Variants in UQCC1 observed in about 807,000 individuals in gnomAD.
The protein encoded by UQCC1 is bFGF-repressed Zic-binding protein.
UQCC1 carries 38 observed loss-of-function variants against 48.0 expected under a neutral mutation model. That is an observed-to-expected ratio of 0.79 (90% CI 0.61 to 1.04). The LOEUF (loss-of-function observed/expected upper bound fraction) is 1.04, where lower values mean the gene tolerates loss of function less well. Ranked by LOEUF, UQCC1 falls within the 50% of genes least tolerant of loss-of-function variation. The pLI is 0.00. For missense variants in UQCC1, 368 were observed against 381.8 expected (o/e 0.96, Z 0.30); for synonymous variants, 111 against 129.2 (o/e 0.86, Z 0.95).
chr20:35,326,763 G>A (rs1450367777), intron 7 of UQCC1, among the ~76,000 whole-genome samples: 1 of 152,164 alleles, frequency 6.6e-6, no homozygotes, highest in Non-Finnish European at 1.5e-5. Flanking sequence ...AAAAGCTGCA[G>A]GCACTACTTG....
intron 7 of UQCC1, among the ~76,000 whole-genome samples, chr20:35,335,813 T>C (rs2061309725): frequency 6.6e-6 from 1 of 152,266 alleles, no homozygotes; most frequent in Non-Finnish European, 1.5e-5. Flanking sequence ...ATTATATCTC[T>C]ATTTTTAAAA....
intron 6 of UQCC1, among the ~76,000 whole-genome samples, chr20:35,347,562 C>T (rs997562444): frequency 6.6e-6 from 1 of 152,010 alleles, no homozygotes. Context: ...CTCCCTCATA[C>T]CTGGAGGGAA....
intron 4 of UQCC1, among the ~76,000 whole-genome samples, chr20:35,375,945 C>A (rs1218795766): frequency 3.1e-5 from 2 of 64,014 alleles, no homozygotes; most frequent in Non-Finnish European, 5.3e-5. Flanking sequence ...CTGGACCTTG[C>A]CTAAAAAAAA....
intron 7 of UQCC1, among the ~76,000 whole-genome samples, chr20:35,329,195 T>G (rs1271073870): frequency 6.6e-6 from 1 of 152,080 alleles, no homozygotes; most frequent in Non-Finnish European, 1.5e-5. Context: ...TCCGGGAGTT[T>G]AGGATGATTA....
chr20:35,307,253 A>C (rs1264970573), intron 8 of UQCC1, among the ~76,000 whole-genome samples: 4 of 152,208 alleles, frequency 2.6e-5, no homozygotes, highest in African/African-American at 4.8e-5. Context: ...TCCAAGGACC[A>C]AGGCAAGGCA....
intron 6 of UQCC1, among the ~76,000 whole-genome samples, chr20:35,355,095 G>A (rs1177057645): frequency 3.9e-5 from 6 of 152,106 alleles, no homozygotes; most frequent in African/African-American, 1.4e-4. Context: ...AAGGAAACAG[G>A]AGGACCCAGA....
chr20:35,333,050 A>G (rs1019691598), intron 7 of UQCC1, among the ~76,000 whole-genome samples: 10 of 151,814 alleles, frequency 6.6e-5, no homozygotes, highest in African/African-American at 9.7e-5. Context: ...TATTCTACCT[A>G]TTTCCAAAAA....
chr20:35,394,115 T>A lies in UQCC1; in HGVS notation c.106A>T (p.Arg36Trp). The A allele has an allele frequency of 6.2e-7, 1 of 1,614,070 alleles. No homozygotes were observed. The highest frequency in any genetic ancestry group is 1.7e-5 in the Admixed American group (1 of 60,018). ...PVSPTQGQGD[R>W]ALSRTSQWPQ... is the part of the protein sequence containing the mutation. ...ACCTGGGAAGTGCGAGACAGAGCCC[T>A]GTCCCCCTGTCCTTGGGTAGGAGAC... The change falls in exon 2 of 10, where the codon AGG becomes TGG. Residue 36 changes from arginine (R) to tryptophan (W), a missense_variant. By Grantham distance (101) the Arg-to-Trp change is moderately radical. Coordinates refer to ENST00000374385, the MANE Select transcript of UQCC1 (RefSeq NM_018244.5).
intron 9 of UQCC1, among the ~76,000 whole-genome samples, chr20:35,304,857 T>A (rs935995608): frequency 7.2e-5 from 11 of 152,292 alleles, no homozygotes; most frequent in African/African-American, 2.6e-4. Flanking sequence ...ACGCTTGAAC[T>A]CAACCCCAGC....
intron 8 of UQCC1, among the ~76,000 whole-genome samples, chr20:35,311,583 G>A (rs943854437): frequency 1.3e-4 from 20 of 152,180 alleles, no homozygotes; most frequent in African/African-American, 4.3e-4. Context: ...CCCCCATCAC[G>A]TGCAGCTGTT....
intron 6 of UQCC1, among the ~76,000 whole-genome samples, chr20:35,365,662 A>AC (rs1227837756): frequency 1.3e-5 from 2 of 151,848 alleles, no homozygotes; most frequent in African/African-American, 4.8e-5. Flanking sequence ...GTCTAAAAAA[A>AC]AAAAAAAAAA....
chr20:35,398,746 C>T (rs1886692), intron 1 of UQCC1, among the ~76,000 whole-genome samples: 74,076 of 105,994 alleles, frequency 0.7, 22,690 homozygotes, highest in East Asian at 0.79. Flanking sequence ...AGATTCAGGG[C>T]CAAAGGTGGG....
intron 4 of UQCC1, among the ~76,000 whole-genome samples, chr20:35,380,200 A>T (rs569939316): frequency 6.6e-6 from 1 of 152,304 alleles, no homozygotes; most frequent in East Asian, 1.9e-4. Flanking sequence ...TAAGCATAAC[A>T]TTTTTTTAAT....
At chr20:35,404,369 C>CAA (rs74173950) in intron 1 of UQCC1, among the ~76,000 whole-genome samples, 2 of 124,028 alleles carry the variant, frequency 1.6e-5, no homozygotes, top group African/African-American at 3.1e-5. Context: ...GACTCCGTCT[C>CAA]AAAAAAAAAA....
intron 8 of UQCC1, chr20:35,309,265 C>T: frequency 2.3e-6 from 1 of 430,778 alleles, no homozygotes; most frequent in Non-Finnish European, 4.7e-6. Context: ...AAACTGTTTC[C>T]ACAAAAAAAT....
intron 5 of UQCC1, among the ~76,000 whole-genome samples, chr20:35,369,589 A>C (rs763179499): frequency 6.6e-6 from 1 of 152,006 alleles, no homozygotes; most frequent in Non-Finnish European, 1.5e-5. Flanking sequence ...CAATTCTTTG[A>C]CTCTACCTCT....
rs546720630 is a variant in UQCC1 at position 35,325,225 on chromosome 20, G to A, written c.574-10460C>T. On this transcript the variant is annotated intron_variant, in intron 7 of 9. Coordinates refer to ENST00000374385, the MANE Select transcript of UQCC1 (RefSeq NM_018244.5). ...AAAATTATTATTTAATGGGCACAGA[G>A]TTTTTGTTGGGGATAATGAAAATGT... Among the ~76,000 whole-genome samples, 3 of 152,334 alleles carry A rather than the reference G, an allele frequency of 2.0e-5. No individual in the cohort carries two copies. The East Asian group carries it at 5.8e-4, about 29-fold the overall frequency.
At chr20:35,366,362 G>A (rs2061666289) in intron 6 of UQCC1, among the ~76,000 whole-genome samples, 195 bp downstream of exon 6, 1 of 152,162 alleles carries the variant, frequency 6.6e-6, no homozygotes, top group South Asian at 2.1e-4. Context: ...ACAAATATTA[G>A]TTTCCTTCTG....
chr20:35,365,375 C>A (rs1326592256), intron 6 of UQCC1, among the ~76,000 whole-genome samples: 1 of 152,148 alleles, frequency 6.6e-6, no homozygotes, highest in African/African-American at 2.4e-5. Flanking sequence ...ATAGCATAGG[C>A]TGGGCACGGT....
Sources: allele counts gnomAD v4.1 joint callset (sites outside exome capture counted in the v4.1 genomes callset), GRCh38; gene constraint gnomAD v4.1.1; transcripts MANE v1.5; gene names NCBI Gene and HGNC (gene_info 2026-07-23, HGNC 2026-07-21).